The following ACACA variants were observed in gnomAD, a reference collection of about 807,000 sequenced individuals.
ACACA encodes acetyl-CoA carboxylase alpha.
A neutral mutation model predicts 296.1 loss-of-function variants in ACACA; 103 were observed. The observed-to-expected ratio is 0.35, with a 90% CI of 0.30 to 0.41. The LOEUF (loss-of-function observed/expected upper bound fraction) is 0.41, where lower values mean the gene tolerates loss of function less well. Ranked by LOEUF, ACACA falls within the 10% of genes least tolerant of loss-of-function variation. The probability of loss-of-function intolerance (pLI) is 1.00; values close to 1 mark genes in which losing one functional copy is unlikely to be tolerated. For missense variants in ACACA, 1,554 were observed against 2,989.7 expected (o/e 0.52, Z 11.20); for synonymous variants, 953 against 1,038.6 (o/e 0.92, Z 1.58).
chr17:37,191,299 C>T (rs554006520), intron 37 of ACACA, 24 bp from the exon 38 acceptor site: 12 of 1,608,592 alleles, frequency 7.5e-6, no homozygotes, highest in Non-Finnish European at 1.0e-5. Context: ...AAATAATCAA[C>T]ATTAATGTAG....
chr17:37,333,495 C>A (rs916228467), intron 2 of ACACA, among the ~76,000 whole-genome samples: 2 of 152,092 alleles, frequency 1.3e-5, no homozygotes, highest in African/African-American at 4.8e-5. Flanking sequence ...CCCCAGTACT[C>A]AGAAGAAGAA....
intron 25 of ACACA, among the ~76,000 whole-genome samples, chr17:37,231,934 A>G (rs2079877908): frequency 6.6e-6 from 1 of 152,202 alleles, no homozygotes; most frequent in African/African-American, 2.4e-5. Context: ...TCAAAAAATA[A>G]ATGTACTATT....
intron 11 of ACACA, among the ~76,000 whole-genome samples, chr17:37,260,284 ATATATATATATATTTTTTTTTTT>A (rs1454105257): frequency 6.4e-4 from 28 of 43,444 alleles, no homozygotes; most frequent in African/African-American, 3.7e-3. Context: ...ATATATATAT[ATATATATATATATTTTTTTTTTT>A]TTTTTTTTTG....
intron 1 of ACACA, among the ~76,000 whole-genome samples, chr17:37,350,047 A>T (rs2048824697): frequency 6.6e-6 from 1 of 152,094 alleles, no homozygotes; most frequent in Non-Finnish European, 1.5e-5. Flanking sequence ...AGTATACAAC[A>T]GGCTAGGCAC....
In ACACA at chr17:37,160,978, T is replaced by G. The variant is rs146916081; in HGVS notation, c.5349+803A>C. On this transcript the variant is annotated intron_variant, in intron 42 of 55. Coordinates refer to ENST00000616317, the MANE Select transcript of ACACA (RefSeq NM_198834.3). ...ATTGAGATTATGGGGAATGAGAGGCTGAGCTAGGGTATAGGACAGAACCAC... is the reference window on the plus strand; with the variant it reads ...ATTGAGATTATGGGGAATGAGAGGCGGAGCTAGGGTATAGGACAGAACCAC... Among the ~76,000 whole-genome samples, 174 of 152,236 alleles carry G rather than the reference T, an allele frequency of 1.1e-3. 1 individual carries two copies. Among genetic ancestry groups the G allele is most frequent in the Admixed American group, 4.8e-3 (73 of 15,288 alleles).
At position 37,377,943 on chromosome 17, in the gene ACACA, C is replaced by T. The variant is rs115769878; in HGVS notation, c.38+28319G>A. The T allele has an allele frequency of 2.4e-5, 39 of 1,613,648 alleles. No homozygotes were observed. The African/African-American group carries it at 4.8e-4, about 20-fold the overall frequency. ...GGATCTTCCCAAAAGACGTGAGAAG[C>T]ATCAGAGAATTGCAAATGCAAGGTA... is the stretch of plus-strand genomic sequence containing the variant. On this transcript the variant is annotated intron_variant, in intron 1 of 55. Transcript: ENST00000616317.
chr17:37,179,244 G>C lies in ACACA; in HGVS notation c.5079+16C>G. 1.2e-6 allele frequency: 2 copies of C among 1,614,054 alleles called. No individual in the cohort carries two copies. Among genetic ancestry groups the C allele is most frequent in the Non-Finnish European group, 1.7e-6 (2 of 1,180,010 alleles). Reference sequence around the variant, plus strand: ...GCACAGAGATAAGAAAGGGAAGGGGGGTTTCAACTACTTGCCTCATTTCCT... The same window carrying C: ...GCACAGAGATAAGAAAGGGAAGGGGCGTTTCAACTACTTGCCTCATTTCCT... On this transcript the variant is annotated intron_variant, in intron 41 of 55. Coordinates refer to ENST00000616317, the MANE Select transcript of ACACA (RefSeq NM_198834.3).
At position 37,346,402 on chromosome 17, in the gene ACACA, A is replaced by C. The variant is rs541289885; in HGVS notation, c.39-6552T>G. Among the ~76,000 whole-genome samples, 15 of 152,066 alleles carry C rather than the reference A, an allele frequency of 9.9e-5. No individual in the cohort carries two copies. In the South Asian group the frequency reaches 3.1e-3, roughly 32 times the overall value. ...AGCAGATGGGAGGAGGGAAACGATA[A>C]GAAAAAATATCTATTGAGACCAGGT... On this transcript the variant is annotated intron_variant, in intron 1 of 55. Transcript: ENST00000616317.
At chr17:37,283,555 G>T in intron 4 of ACACA, 150 bp from the exon 5 acceptor site, 1 of 990,162 alleles carries the variant, frequency 1.0e-6, no homozygotes, top group South Asian at 1.6e-5. Context: ...CAGACTGTTA[G>T]AAACTGGCTT....
chr17:37,149,769 T>C (rs558342240), intron 45 of ACACA, 95 bp downstream of exon 45: 1 of 1,115,626 alleles, frequency 9.0e-7, no homozygotes. Context: ...AGGCACGGAT[T>C]GAACTGCTTC....
intron 14 of ACACA, among the ~76,000 whole-genome samples, 188 bp from the exon 15 acceptor site, chr17:37,253,224 C>G (rs113133391): frequency 2.6e-5 from 4 of 152,178 alleles, no homozygotes; most frequent in African/African-American, 9.6e-5. Context: ...GACCCTGTCT[C>G]TACTAAAAAT....
chr17:37,325,441 T>C (rs1036025079), intron 3 of ACACA, among the ~76,000 whole-genome samples: 2 of 151,506 alleles, frequency 1.3e-5, no homozygotes, highest in South Asian at 4.2e-4. Flanking sequence ...TCCAGAAATA[T>C]ATCAACCTGG....
rs1403457642 is a variant in ACACA at position 37,359,254 on chromosome 17, TCCGGGCTGCGGCGCTG to T, written c.39-19420_39-19405del. 1.2e-5 allele frequency: 8 copies of T among 657,130 alleles called. No homozygotes were observed. In the East Asian group the frequency reaches 8.2e-4, roughly 67 times the overall value. The allele number at this position is 657,130 out of a possible 1,614,324, so 40.7% of individuals were successfully genotyped here. On this transcript the variant is annotated intron_variant, in intron 1 of 55. Coordinates refer to ENST00000616317, the MANE Select transcript of ACACA (RefSeq NM_198834.3). ...CCAGGCCGTTCACCTCCGACCCCGC[TCCGGGCTGCGGCGCTG>T]CCAGGGCCGCCGGGGGGCGAGGCGC...
At chr17:37,221,664 C>T in intron 29 of ACACA, 60 bp downstream of exon 29, 12 of 1,297,074 alleles carry the variant, frequency 9.3e-6, no homozygotes. Context: ...CACATTACTC[C>T]CCTTGATTCT....
intron 3 of ACACA, among the ~76,000 whole-genome samples, chr17:37,288,801 A>G (rs2082908583): frequency 6.6e-6 from 1 of 152,102 alleles, no homozygotes; most frequent in African/African-American, 2.4e-5. Flanking sequence ...TAGGAGGCTG[A>G]GGTGGGAGAA....
At chr17:37,140,139 T>C (rs2075504008) in intron 45 of ACACA, among the ~76,000 whole-genome samples, 1 of 152,216 alleles carries the variant, frequency 6.6e-6, no homozygotes, top group African/African-American at 2.4e-5. Context: ...TATTTAGCAA[T>C]GGTGTCACAG....
At chr17:37,178,911 G>A (rs1046770751) in intron 41 of ACACA, among the ~76,000 whole-genome samples, 1 of 151,794 alleles carries the variant, frequency 6.6e-6, no homozygotes, top group South Asian at 2.1e-4. Context: ...ATCAACTCAC[G>A]ACCAACCCTG....
chr17:37,406,651 G>GCGCCACA lies in ACACA; in HGVS notation c.-359_-353dup. On this transcript the variant is annotated 5_prime_UTR_variant, in exon 1 of 56. Transcript: ENST00000616317. ...CAGGAAGCCTCAGGCAACGGGCCACGCGCCACACGGGCAAAGTGATTACTG... is the reference window on the plus strand; with the variant it reads ...CAGGAAGCCTCAGGCAACGGGCCACGCGCCACACGCCACACGGGCAAAGTGATTACTG... 1 of 479,308 alleles carries GCGCCACA rather than the reference G, an allele frequency of 2.1e-6. No homozygotes were observed. The highest frequency in any genetic ancestry group is 3.8e-6 in the Non-Finnish European group (1 of 262,666). The allele number at this position is 479,308 out of a possible 1,614,324, so 29.7% of individuals were successfully genotyped here.
intron 33 of ACACA, 26 bp downstream of exon 33, chr17:37,205,739 G>A (rs978196183): frequency 5.1e-6 from 8 of 1,568,342 alleles, no homozygotes; most frequent in African/African-American, 1.4e-5. Flanking sequence ...GGGACATCAC[G>A]AGCTTCCACC....
Sources: gnomAD v4.1 joint callset for allele counts (sites outside exome capture counted in the v4.1 genomes callset) on GRCh38, gnomAD v4.1.1 for gene constraint, MANE v1.5 for transcripts, NCBI Gene and HGNC (gene_info 2026-07-23, HGNC 2026-07-21) for gene names.